ARL5B: variants seen among roughly 807,000 people sequenced by gnomAD.
The protein encoded by ARL5B is ARF like GTPase 5B, also known as ADP-ribosylation factor-like protein 5B.
A neutral mutation model predicts 26.9 loss-of-function variants in ARL5B; 10 were observed. That is an observed-to-expected ratio of 0.37 (90% CI 0.23 to 0.63). The LOEUF is 0.63. Among genes scored for constraint, ARL5B ranks in the 30% least tolerant of loss-of-function variants. The pLI, the probability that ARL5B is intolerant of heterozygous loss-of-function variation, is 0.62. For synonymous variants in ARL5B, 87 were observed against 70.4 expected, an observed-to-expected ratio of 1.24 and a Z score of -1.18; for missense variants, 167 against 213.9, an observed-to-expected ratio of 0.78 and a Z score of 1.37.
intron 4 of ARL5B, among the ~76,000 whole-genome samples, chr10:18,673,508 G>A (rs7096923): frequency 0.21 from 32,139 of 152,010 alleles, 3,717 homozygotes; most frequent in South Asian, 0.31. Context: ...TTTAACAACT[G>A]TATAGTTTTC....
intron 4 of ARL5B, among the ~76,000 whole-genome samples, chr10:18,673,021 A>G (rs2059894728): frequency 6.6e-6 from 1 of 152,284 alleles, no homozygotes; most frequent in Non-Finnish European, 1.5e-5. Flanking sequence ...TCTTTTCCCC[A>G]AAAGTTTCAA....
At chr10:18,669,241 C>G (rs1282317870) in intron 3 of ARL5B, among the ~76,000 whole-genome samples, 1 of 152,150 alleles carries the variant, frequency 6.6e-6, no homozygotes, top group Non-Finnish European at 1.5e-5. Context: ...TGGCCAGGTT[C>G]TCTCCATTCA....
At position 18,666,105 on chromosome 10, in the gene ARL5B, G is replaced by A. The variant is rs1338263642; in HGVS notation, c.47-470G>A. Reference sequence around the variant, plus strand: ...AAACGTTTCAATTTTAAGCTTACATGGGATTTTTAAGTGAGAGGAAGAAAC... The same window carrying A: ...AAACGTTTCAATTTTAAGCTTACATAGGATTTTTAAGTGAGAGGAAGAAAC... On this transcript the variant is annotated intron_variant, in intron 1 of 5. Transcript: ENST00000377275. Among the ~76,000 whole-genome samples the A allele has an allele frequency of 2.0e-5, 3 of 152,208 alleles. No individual in the cohort carries two copies. The East Asian group carries it at 5.8e-4, about 29-fold the overall frequency.
rs1404757611 is a variant in ARL5B at position 18,676,718 on chromosome 10, A to G, written c.*1502A>G. The G allele has an allele frequency of 6.6e-6, 1 of 151,956 alleles. No individual in the cohort carries two copies. Among genetic ancestry groups the G allele is most frequent in the Non-Finnish European group, 1.5e-5 (1 of 67,856 alleles). The allele number at this position is 151,956 out of a possible 1,614,324, so 9.4% of individuals were successfully genotyped here. A position where few individuals can be genotyped will look rare whatever the true frequency, so the allele number is the denominator to read the frequency against. Reference sequence around the variant, plus strand: ...TCAAAATTGGTATTTTAATTTTAATATTTTTGTAAGTTGATTTAAATTTTG... The same window carrying G: ...TCAAAATTGGTATTTTAATTTTAATGTTTTTGTAAGTTGATTTAAATTTTG... On this transcript the variant is annotated 3_prime_UTR_variant, in exon 6 of 6. Transcript: ENST00000377275.
intron 4 of ARL5B, 127 bp downstream of exon 4, chr10:18,672,832 A>G: frequency 2.0e-6 from 1 of 490,610 alleles, no homozygotes; most frequent in Non-Finnish European, 3.5e-6. Context: ...TTTATGTACT[A>G]AACTGATGAA....
At chr10:18,671,101 C>G (rs145634841) in intron 3 of ARL5B, among the ~76,000 whole-genome samples, 1 of 152,136 alleles carries the variant, frequency 6.6e-6, no homozygotes, top group Non-Finnish European at 1.5e-5. Context: ...CTTTGCCACG[C>G]GACATTCTTT....
chr10:18,668,733 A>G, intron 3 of ARL5B, 56 bp downstream of exon 3: 1 of 1,566,824 alleles, frequency 6.4e-7, no homozygotes, highest in Non-Finnish European at 8.7e-7. Context: ...TAAACATAGA[A>G]AGTAATTAGG....
intron 4 of ARL5B, 124 bp from the exon 5 acceptor site, chr10:18,673,857 GATT>G (rs1413407102): frequency 5.6e-6 from 4 of 712,638 alleles, no homozygotes; most frequent in Non-Finnish European, 7.9e-6. Flanking sequence ...GGGTATTTGA[GATT>G]ATTTTTATGT....
At chr10:18,673,143 ACCTCCG>A (rs1209033708) in intron 4 of ARL5B, among the ~76,000 whole-genome samples, 1 of 151,850 alleles carries the variant, frequency 6.6e-6, no homozygotes, top group Non-Finnish European at 1.5e-5. Context: ...GCTCACTGCA[ACCTCCG>A]CCTCCTGGGT....
At position 18,678,357 on chromosome 10, in the gene ARL5B, T is replaced by G. The variant is rs2059918838; in HGVS notation, c.*3141T>G. On this transcript the variant is annotated 3_prime_UTR_variant, in exon 6 of 6. Transcript: ENST00000377275. Reference sequence around the variant, plus strand: ...TAGCCATAGTCATTTTGATTAAGCATAATTTAACTTTCATTATAGCATAAA... The same window carrying G: ...TAGCCATAGTCATTTTGATTAAGCAGAATTTAACTTTCATTATAGCATAAA... The G allele has an allele frequency of 6.6e-6, 1 of 151,996 alleles. No individual in the cohort carries two copies. The highest frequency in any genetic ancestry group is 2.4e-5 in the African/African-American group (1 of 41,542). The allele number at this position is 151,996 out of a possible 1,614,324, so 9.4% of individuals were successfully genotyped here. A position where few individuals can be genotyped will look rare whatever the true frequency, so the allele number is the denominator to read the frequency against.
At chr10:18,662,534 G>A (rs10829157) in intron 1 of ARL5B, among the ~76,000 whole-genome samples, 123,360 of 152,138 alleles carry the variant, frequency 0.81, 50,099 homozygotes, top group East Asian at 0.98. Context: ...CATTTTATAT[G>A]TTAATGTAGT....
intron 3 of ARL5B, 36 bp downstream of exon 3, chr10:18,668,713 G>T (rs181839450): frequency 6.9e-6 from 11 of 1,601,376 alleles, no homozygotes; most frequent in Non-Finnish European, 8.5e-6. Context: ...TAATCCAAAG[G>T]TCCCTAGAGT....
chr10:18,678,751 G>C lies in ARL5B; in HGVS notation c.*3535G>C, dbSNP rs2131654195. 6.6e-6 allele frequency: 1 copy of C among 151,422 alleles called. No homozygotes were observed. Among genetic ancestry groups the C allele is most frequent in the South Asian group, 2.1e-4 (1 of 4,798 alleles). The allele number at this position is 151,422 out of a possible 1,614,324, so 9.4% of individuals were successfully genotyped here. A position where few individuals can be genotyped will look rare whatever the true frequency, so the allele number is the denominator to read the frequency against. ...CTAAAGGCTATTTTACATTTTGCCG[G>C]GGTAAAGTGACTTCAAGATACAGCA... On this transcript the variant is annotated 3_prime_UTR_variant, in exon 6 of 6. Coordinates refer to ENST00000377275, the MANE Select transcript of ARL5B (RefSeq NM_178815.5).
At position 18,679,975 on chromosome 10, in the gene ARL5B, T is replaced by C. The variant is rs2059925849; in HGVS notation, c.*4759T>C. On this transcript the variant is annotated 3_prime_UTR_variant, in exon 6 of 6. Transcript: ENST00000377275. The stretch of plus-strand genomic sequence containing the variant: ...TGAAGACTGATTAGGGTTTTAGAAT[T>C]TGGAACTGTAGTCACATAAAGGCAT... 1 of 151,978 alleles carries C rather than the reference T, an allele frequency of 6.6e-6. No homozygotes were observed. Among genetic ancestry groups the C allele is most frequent in the South Asian group, 2.1e-4 (1 of 4,836 alleles). 9.4% of individuals were successfully genotyped at this position (151,978 alleles called of 1,614,324 possible). A position where few individuals can be genotyped will look rare whatever the true frequency, so the allele number is the denominator to read the frequency against.
intron 1 of ARL5B, among the ~76,000 whole-genome samples, chr10:18,664,429 CTTTTTTTTTTTTT>C (rs140830487): frequency 0.017 from 1,130 of 67,270 alleles, 24 homozygotes; most frequent in African/African-American, 0.058. Context: ...ACAGTAGTGT[CTTTTTTTTTTTTT>C]TTTTTTTTTT....
chr10:18,666,506 A>G, intron 1 of ARL5B, 69 bp from the exon 2 acceptor site: 12 of 1,276,310 alleles, frequency 9.4e-6, no homozygotes, highest in East Asian at 2.4e-5. Context: ...ACTAATAATC[A>G]TTGTTGAAAG....
At chr10:18,673,955 A>G (rs775026858) in intron 4 of ARL5B, 29 bp from the exon 5 acceptor site, 5 of 1,572,770 alleles carry the variant, frequency 3.2e-6, no homozygotes, top group Non-Finnish European at 3.4e-6. Context: ...GGTATTTCAC[A>G]TATTAGAAAT....
At position 18,659,567 on chromosome 10, in the gene ARL5B, C is replaced by T. The variant is rs2059816570; in HGVS notation, c.-71C>T. 4 of 1,509,480 alleles carry T rather than the reference C, an allele frequency of 2.6e-6. No homozygotes were observed. In the Admixed American group the frequency reaches 7.1e-5, roughly 27 times the overall value. The allele number at this position is 1,509,480 out of a possible 1,614,324, so 93.5% of individuals were successfully genotyped here. ...GTTCTCCTCGGCTCCGCGCAGCCCG[C>T]GCCGCGGTGGGGGACCCGGCGCAGC... On this transcript the variant is annotated 5_prime_UTR_variant, in exon 1 of 6. Transcript: ENST00000377275.
At chr10:18,664,667 TG>T (rs2059853144) in intron 1 of ARL5B, among the ~76,000 whole-genome samples, 1 of 151,574 alleles carries the variant, frequency 6.6e-6, no homozygotes, top group African/African-American at 2.4e-5. Flanking sequence ...CTTGATCTCC[TG>T]ACCTCGTGAT....
Sources: gnomAD v4.1 joint callset for allele counts (sites outside exome capture counted in the v4.1 genomes callset) on GRCh38, gnomAD v4.1.1 for gene constraint, MANE v1.5 for transcripts, NCBI Gene and HGNC (gene_info 2026-07-23, HGNC 2026-07-21) for gene names.